ANO3: variants seen among roughly 807,000 people sequenced by gnomAD.
ANO3 encodes the protein anoctamin-3.
Under a neutral mutation model 144.8 loss-of-function variants are expected in ANO3, and 99 were observed. That is an observed-to-expected ratio of 0.68 (90% confidence interval 0.58 to 0.81). The LOEUF (loss-of-function observed/expected upper bound fraction) is 0.81, where lower values mean the gene tolerates loss of function less well. Among genes scored for constraint, ANO3 ranks in the 30% least tolerant of loss-of-function variants. ANO3 has a pLI of 0.00. For missense variants in ANO3, 905 were observed against 1,202.2 expected, an observed-to-expected ratio of 0.75 and a Z score of 3.66; for synonymous variants, 414 against 392.6, an observed-to-expected ratio of 1.05 and a Z score of -0.64.
chr11:26,598,048 G>A (rs1851688235), intron 14 of ANO3, among the ~76,000 whole-genome samples: 1 of 152,042 alleles, frequency 6.6e-6, no homozygotes, highest in Non-Finnish European at 1.5e-5. Context: ...AGATAATTTT[G>A]AATAAGCATA....
At chr11:26,454,615 C>A (rs1233767521) in intron 3 of ANO3, among the ~76,000 whole-genome samples, 1 of 151,470 alleles carries the variant, frequency 6.6e-6, no homozygotes, top group Non-Finnish European at 1.5e-5. Flanking sequence ...AGTCCAGGAC[C>A]AGATGGATTC....
At position 26,382,962 on chromosome 11, in the gene ANO3, A is replaced by G. The variant is rs571855742; in HGVS notation, c.46+50641A>G. The stretch of plus-strand genomic sequence containing the variant: ...CTGTGATGTCTCTGACTCTGAGTGG[A>G]ATATACTTGACTTGAGATTTGTGTA... On this transcript the variant is annotated intron_variant, in intron 1 of 26. Transcript: ENST00000256737. Among the ~76,000 whole-genome samples the G allele has an allele frequency of 2.2e-4, 33 of 152,234 alleles. No individual in the cohort carries two copies. In the South Asian group the frequency reaches 6.2e-3, roughly 29 times the overall value.
chr11:26,480,388 T>C (rs1860162664), intron 4 of ANO3, among the ~76,000 whole-genome samples: 1 of 152,172 alleles, frequency 6.6e-6, no homozygotes, highest in African/African-American at 2.4e-5. Flanking sequence ...GCCTGTTTGA[T>C]TCTTAAGAGC....
At chr11:26,652,727 CCA>C (rs1158356296) in intron 24 of ANO3, among the ~76,000 whole-genome samples, 1 of 152,186 alleles carries the variant, frequency 6.6e-6, no homozygotes, top group Non-Finnish European at 1.5e-5. Flanking sequence ...GAAACTACAT[CCA>C]AAGAGTTTTC....
chr11:26,440,845 TGA>T (rs1052061759), intron 1 of ANO3, among the ~76,000 whole-genome samples: 3 of 152,040 alleles, frequency 2.0e-5, no homozygotes, highest in South Asian at 2.1e-4. Context: ...ATGTTGGAAA[TGA>T]GAGTGTCCAG....
chr11:26,621,673 A>C (rs6484223), intron 17 of ANO3, among the ~76,000 whole-genome samples: 43,951 of 151,998 alleles, frequency 0.29, 6,713 homozygotes, highest in South Asian at 0.46. Flanking sequence ...ACCCACTGAA[A>C]TTTGAGTTCT....
chr11:26,286,636 G>C (rs947379082), intron 1 of ANO3, among the ~76,000 whole-genome samples: 3 of 152,164 alleles, frequency 2.0e-5, no homozygotes, highest in Non-Finnish European at 4.4e-5. Context: ...GGCAAAGCCT[G>C]AGTGTCTGCA....
chr11:26,212,844 G>A (rs12785883), intron 1 of ANO3, among the ~76,000 whole-genome samples: 2 of 151,750 alleles, frequency 1.3e-5, no homozygotes, highest in Non-Finnish European at 2.9e-5. Context: ...TAAATTTCAG[G>A]CCAATATCCC....
chr11:26,549,418 A>G (rs1276099301), intron 12 of ANO3, among the ~76,000 whole-genome samples: 3 of 151,974 alleles, frequency 2.0e-5, no homozygotes, highest in Admixed American at 1.3e-4. Flanking sequence ...TGTAGGTGTT[A>G]TCATGGTGGG....
intron 1 of ANO3, among the ~76,000 whole-genome samples, chr11:26,244,974 GGTGTGT>G (rs61543573): frequency 0.016 from 1,944 of 121,664 alleles, 21 homozygotes; most frequent in Admixed American, 0.033. Context: ...CTGGTCTCCT[GGTGTGT>G]GTGTGTGTGT....
intron 1 of ANO3, among the ~76,000 whole-genome samples, chr11:26,228,141 C>T (rs11605805): frequency 0.36 from 54,859 of 151,976 alleles, 11,022 homozygotes; most frequent in Non-Finnish European, 0.44. Context: ...TTGGCTTAGC[C>T]GAAAGGGTAT....
At chr11:26,629,727 G>A (rs1446381407) in intron 18 of ANO3, among the ~76,000 whole-genome samples, 1 of 152,090 alleles carries the variant, frequency 6.6e-6, no homozygotes, top group African/African-American at 2.4e-5. Context: ...CGCCTCTCAG[G>A]TTCAAGCAGT....
At chr11:26,391,511 G>C (rs1856878269) in intron 1 of ANO3, among the ~76,000 whole-genome samples, 1 of 151,994 alleles carries the variant, frequency 6.6e-6, no homozygotes, top group Non-Finnish European at 1.5e-5. Flanking sequence ...AAGAGTCAAG[G>C]GAAGGGGTAG....
At chr11:26,445,543 C>A (rs933629730) in intron 3 of ANO3, among the ~76,000 whole-genome samples, 2 of 151,958 alleles carry the variant, frequency 1.3e-5, no homozygotes, top group African/African-American at 4.8e-5. Flanking sequence ...TTCCAGCTGA[C>A]CTGTGTTTAT....
intron 1 of ANO3, among the ~76,000 whole-genome samples, chr11:26,231,374 C>A (rs117937799): frequency 2.2e-3 from 332 of 152,246 alleles, no homozygotes; most frequent in Non-Finnish European, 4.2e-3. Context: ...AGATGAGTTA[C>A]CACTGACTCA....
At chr11:26,243,470 A>G (rs1852708380) in intron 1 of ANO3, among the ~76,000 whole-genome samples, 1 of 151,920 alleles carries the variant, frequency 6.6e-6, no homozygotes, top group Admixed American at 6.6e-5. Flanking sequence ...TAAAGAAAAA[A>G]AAAAGAGGAA....
chr11:26,388,591 A>T lies in ANO3; in HGVS notation c.47-53327A>T, dbSNP rs185923602. ...AGTCTAATTTAAGCCTTTACAATAT[A>T]CGTATGACTAGCAACTAATTGTTTT... On this transcript the variant is annotated intron_variant, in intron 1 of 26. Coordinates refer to ENST00000256737, the MANE Select transcript of ANO3 (RefSeq NM_031418.4). Among the ~76,000 whole-genome samples, 487 of 152,288 alleles carry T rather than the reference A, an allele frequency of 3.2e-3. 4 individuals carry two copies. The highest frequency in any genetic ancestry group is 0.011 in the African/African-American group (461 of 41,564).
intron 3 of ANO3, among the ~76,000 whole-genome samples, chr11:26,450,409 G>C (rs1180465270): frequency 6.6e-6 from 1 of 152,122 alleles, no homozygotes; most frequent in Non-Finnish European, 1.5e-5. Context: ...AGAACAATAG[G>C]GCTAGGGAGA....
chr11:26,199,795 C>T (rs569013193), intron 1 of ANO3, among the ~76,000 whole-genome samples: 4 of 152,260 alleles, frequency 2.6e-5, no homozygotes, highest in South Asian at 2.1e-4. Context: ...CAGTGCTCAT[C>T]GTCTTCCTTA....
Sources: gnomAD v4.1 joint callset for allele counts (sites outside exome capture counted in the v4.1 genomes callset) on GRCh38, gnomAD v4.1.1 for gene constraint, MANE v1.5 for transcripts, NCBI Gene and HGNC (gene_info 2026-07-23, HGNC 2026-07-21) for gene names.